Variants in PAPPA2 observed in about 807,000 individuals in gnomAD.
PAPPA2 encodes the protein pappalysin 2, also known as pappalysin-2.
Under a neutral mutation model 176.4 loss-of-function variants are expected in PAPPA2, and 86 were observed. The observed-to-expected ratio is 0.49, with a 90% CI of 0.41 to 0.58. The LOEUF (loss-of-function observed/expected upper bound fraction) is 0.58. Among genes scored for constraint, PAPPA2 ranks in the 20% least tolerant of loss-of-function variants. PAPPA2 has a pLI of 0.00. For synonymous variants in PAPPA2, 809 were observed against 852.2 expected (o/e 0.95, Z 0.88); for missense variants, 2,073 against 2,256.9 (o/e 0.92, Z 1.65).
chr1:176,595,007 T>G lies in PAPPA2; in HGVS notation c.1403T>G (p.Val468Gly). ...TTTGAGCCTGTGAACACAGAGTGGG[T>G]TCCCTTTAGAGATGAGAAGTACCCA... ...ASFEPVNTEW[V>G]PFRDEKYPRL... The change falls in exon 3 of 23, where the codon GTT becomes GGT. Residue 468 changes from valine to glycine, a missense_variant. Around this residue, in one of 4 missense-constraint regions of PAPPA2, gnomAD observed 1,196 missense variants for 1,330.4 expected, o/e 0.90. Transcript: ENST00000367662. 1 of 1,614,112 alleles carries G rather than the reference T, an allele frequency of 6.2e-7. No homozygotes were observed. Among genetic ancestry groups the G allele is most frequent in the East Asian group, 2.2e-5 (1 of 44,868 alleles).
chr1:176,768,611 A>G (rs900767674), intron 15 of PAPPA2, among the ~76,000 whole-genome samples: 1 of 151,632 alleles, frequency 6.6e-6, no homozygotes, highest in Admixed American at 6.6e-5. Flanking sequence ...CCTCCTTCAC[A>G]TGTTTTTGAA....
At chr1:176,559,738 A>G (rs772338688) in intron 2 of PAPPA2, among the ~76,000 whole-genome samples, 15 of 152,164 alleles carry the variant, frequency 9.9e-5, no homozygotes, top group Non-Finnish European at 1.9e-4. Flanking sequence ...AGCCACATAC[A>G]ATTCAGCAAT....
intron 2 of PAPPA2, among the ~76,000 whole-genome samples, chr1:176,571,342 G>C (rs1180406112): frequency 6.6e-6 from 1 of 152,178 alleles, no homozygotes; most frequent in East Asian, 1.9e-4. Context: ...CTGAAGGTCT[G>C]GATTCAAGCC....
At chr1:176,508,060 C>T (rs2102519018) in intron 1 of PAPPA2, among the ~76,000 whole-genome samples, 1 of 152,216 alleles carries the variant, frequency 6.6e-6, no homozygotes, top group South Asian at 2.1e-4. Context: ...GCTAAACTAT[C>T]CTTATAGTAA....
intron 1 of PAPPA2, among the ~76,000 whole-genome samples, chr1:176,497,539 G>A (rs1172000706): frequency 6.6e-6 from 1 of 152,160 alleles, no homozygotes; most frequent in Non-Finnish European, 1.5e-5. Flanking sequence ...ACTGTATTTT[G>A]CTTGACCCAC....
intron 14 of PAPPA2, 101 bp from the exon 15 acceptor site, chr1:176,765,565 C>A: frequency 8.7e-7 from 1 of 1,143,134 alleles, no homozygotes; most frequent in Non-Finnish European, 1.3e-6. Context: ...GAAAATTGTT[C>A]TCTCTGGTTT....
At chr1:176,570,688 T>C (rs1330004341) in intron 2 of PAPPA2, among the ~76,000 whole-genome samples, 1 of 148,766 alleles carries the variant, frequency 6.7e-6, no homozygotes, top group Non-Finnish European at 1.5e-5. Context: ...TCCTCTGCCA[T>C]GGCTGGTCCC....
intron 1 of PAPPA2, among the ~76,000 whole-genome samples, chr1:176,486,927 A>G (rs950077905): frequency 2.7e-5 from 4 of 149,880 alleles, no homozygotes; most frequent in Non-Finnish European, 4.5e-5. Context: ...GAGAGGGGGA[A>G]GTGGGTGGAT....
intron 3 of PAPPA2, among the ~76,000 whole-genome samples, chr1:176,639,169 C>A (rs1656915806): frequency 6.6e-6 from 1 of 152,074 alleles, no homozygotes; most frequent in Non-Finnish European, 1.5e-5. Context: ...GATGAACTCA[C>A]ATGGTTCTTT....
chr1:176,844,987 A>G lies in PAPPA2; in HGVS notation c.*2533A>G, dbSNP rs1333618687. 8 of 152,204 alleles carry G rather than the reference A, an allele frequency of 5.3e-5. No homozygotes were observed. The highest frequency in any genetic ancestry group is 8.8e-5 in the Non-Finnish European group (6 of 68,026). 9.4% of individuals were successfully genotyped at this position (152,204 alleles called of 1,614,324 possible). On this transcript the variant is annotated 3_prime_UTR_variant, in exon 23 of 23. Transcript: ENST00000367662. Reference sequence around the variant, plus strand: ...TTGTGTGTGAAGAGCCTCTTAGGCTATAAGGCTTCCCAGCCATAGTCAGCT... The same window carrying G: ...TTGTGTGTGAAGAGCCTCTTAGGCTGTAAGGCTTCCCAGCCATAGTCAGCT...
intron 3 of PAPPA2, among the ~76,000 whole-genome samples, chr1:176,647,712 T>C (rs993922344): frequency 2.0e-5 from 3 of 151,756 alleles, no homozygotes; most frequent in African/African-American, 7.2e-5. Flanking sequence ...TTGTCAAAAA[T>C]GAGTTGGCTA....
At chr1:176,541,555 A>G (rs932112131) in intron 1 of PAPPA2, among the ~76,000 whole-genome samples, 2 of 152,214 alleles carry the variant, frequency 1.3e-5, no homozygotes, top group African/African-American at 4.8e-5. Flanking sequence ...CCTCTAGTGC[A>G]TAGATAGTGC....
At chr1:176,727,681 T>G (rs937478432) in intron 12 of PAPPA2, among the ~76,000 whole-genome samples, 14 of 151,964 alleles carry the variant, frequency 9.2e-5, no homozygotes, top group Non-Finnish European at 7.4e-5. Flanking sequence ...AAAACAGATA[T>G]ATAAGATTTG....
chr1:176,771,116 A>G lies in PAPPA2; in HGVS notation c.4651A>G (p.Ile1551Val). The G allele has an allele frequency of 1.2e-6, 2 of 1,614,196 alleles. No individual in the cohort carries two copies. The stretch of plus-strand genomic sequence containing the variant: ...CCAGGACAACCACGACGTGGGCACC[A>G]TCTGCAAATATGAATGCAAACCAGG... ...CLQDNHDVGTICKYECKPGYY... is the reference protein window; with the variant it reads ...CLQDNHDVGTVCKYECKPGYY... Residue 1551 changes from isoleucine to valine, a missense_variant, in exon 17 of 23, where the codon ATC (isoleucine) becomes GTC (valine). Transcript: ENST00000367662.
intron 1 of PAPPA2, among the ~76,000 whole-genome samples, chr1:176,504,419 G>C (rs1368880792): frequency 1.3e-5 from 2 of 152,192 alleles, no homozygotes; most frequent in African/African-American, 4.8e-5. Context: ...ATGAAAGTAT[G>C]TTATATACAC....
At position 176,694,984 on chromosome 1, in the gene PAPPA2, G is replaced by T. The variant is rs6658164; in HGVS notation, c.2625-754G>T. Among the ~76,000 whole-genome samples the T allele has an allele frequency of 5.1e-3, 779 of 152,332 alleles. 12 individuals are homozygous for T. Among genetic ancestry groups the T allele is most frequent in the African/African-American group, 0.017 (709 of 41,568 alleles). ...GTCACTCAGAGGAGAGAGGCTAAGT[G>T]CTACTGCAGAGTTTACATTTGAATG... On this transcript the variant is annotated intron_variant, in intron 6 of 22. Coordinates refer to ENST00000367662, the MANE Select transcript of PAPPA2 (RefSeq NM_020318.3).
At chr1:176,603,355 T>C (rs1654430486) in intron 3 of PAPPA2, among the ~76,000 whole-genome samples, 1 of 152,214 alleles carries the variant, frequency 6.6e-6, no homozygotes, top group Non-Finnish European at 1.5e-5. Context: ...AGTGACTGGA[T>C]ATAAATGAAA....
At chr1:176,819,684 C>T (rs1666576140) in intron 21 of PAPPA2, among the ~76,000 whole-genome samples, 1 of 152,188 alleles carries the variant, frequency 6.6e-6, no homozygotes, top group Admixed American at 6.5e-5. Context: ...CAAGGCTGAG[C>T]CGAGGCATAG....
chr1:176,558,670 A>G (rs188114766), intron 2 of PAPPA2, among the ~76,000 whole-genome samples: 70 of 152,286 alleles, frequency 4.6e-4, no homozygotes, highest in African/African-American at 1.5e-3. Context: ...GCCAAATGGA[A>G]GAAATAATGA....
Sources: gnomAD v4.1 joint callset for allele counts (sites outside exome capture counted in the v4.1 genomes callset) on GRCh38, gnomAD v4.1.1 for gene constraint, gnomAD v4.1.1 regional missense constraint, MANE v1.5 for transcripts, NCBI Gene and HGNC (gene_info 2026-07-23, HGNC 2026-07-21) for gene names.